Variants in ORC1 observed in about 807,000 individuals in gnomAD.
ORC1 encodes origin recognition complex, subunit 1 homolog.
ORC1 carries 61 observed loss-of-function variants against 98.9 expected under a neutral mutation model. That is an observed-to-expected ratio of 0.62 (90% CI 0.50 to 0.76). The LOEUF (loss-of-function observed/expected upper bound fraction) is 0.76, where lower values mean the gene tolerates loss of function less well. Ranked by LOEUF, ORC1 falls within the 30% of genes least tolerant of loss-of-function variation. ORC1 has a pLI of 0.00. For synonymous variants in ORC1, 385 were observed against 406.9 expected (o/e 0.95, Z 0.65); for missense variants, 979 against 1,072.2 (o/e 0.91, Z 1.21).
intron 4 of ORC1, among the ~76,000 whole-genome samples, chr1:52,396,803 C>G (rs1647420447): frequency 6.6e-6 from 1 of 152,210 alleles, no homozygotes; most frequent in Non-Finnish European, 1.5e-5. Context: ...ACAAACTTAT[C>G]TAAACATGCT....
At position 52,381,748 on chromosome 1, in the gene ORC1, A is replaced by C. The variant is rs1162282902; in HGVS notation, c.2027T>G (p.Met676Arg). The change falls in exon 14 of 17, where the codon ATG becomes AGG. Residue 676 changes from methionine (M) to arginine (R), a missense_variant. Physicochemically the swap from Met to Arg is moderately conservative, Grantham distance 91. Transcript: ENST00000371568. Reference protein sequence around the residue: ...RVSSRLGLTRMCFQPYTYSQL... With the variant: ...RVSSRLGLTRRCFQPYTYSQL... ...GCTATATGTATAGGGCTGGAAGCAC[A>C]TCCTGGTAAGACCCTGGGGAGCCAA... 1.9e-6 allele frequency: 3 copies of C among 1,613,228 alleles called. No homozygotes were observed. Among genetic ancestry groups the C allele is most frequent in the Non-Finnish European group, 2.5e-6 (3 of 1,179,558 alleles).
intron 3 of ORC1, among the ~76,000 whole-genome samples, chr1:52,400,657 G>A (rs1277864137): frequency 6.6e-6 from 1 of 152,188 alleles, no homozygotes; most frequent in Non-Finnish European, 1.5e-5. Flanking sequence ...TCCTTGTGGA[G>A]CTGTGCCCCA....
At chr1:52,375,028 G>T in intron 15 of ORC1, 131 bp from the exon 16 acceptor site, 1 of 688,452 alleles carries the variant, frequency 1.5e-6, no homozygotes, top group Non-Finnish European at 2.6e-6. Context: ...ATATTATGTG[G>T]CAAGGATCTC....
At chr1:52,384,433 A>G (rs1647114319) in intron 11 of ORC1, 117 bp downstream of exon 11, 1 of 938,348 alleles carries the variant, frequency 1.1e-6, no homozygotes. Flanking sequence ...CTCTACAGAA[A>G]GGACAATGCC....
chr1:52,392,375 G>A (rs1035966586), intron 6 of ORC1, among the ~76,000 whole-genome samples: 3 of 152,008 alleles, frequency 2.0e-5, no homozygotes, highest in South Asian at 2.1e-4. Context: ...TGATCCGCCC[G>A]CCTCGGCCTC....
chr1:52,394,275 T>G (rs1013255557), intron 5 of ORC1, among the ~76,000 whole-genome samples: 3 of 152,220 alleles, frequency 2.0e-5, no homozygotes, highest in Admixed American at 2.0e-4. Context: ...ACTGGTTCTG[T>G]GAATACACAA....
At chr1:52,403,242 T>C (rs1301184587) in intron 1 of ORC1, among the ~76,000 whole-genome samples, 1 of 152,248 alleles carries the variant, frequency 6.6e-6, no homozygotes, top group African/African-American at 2.4e-5. Context: ...GGCACTATTT[T>C]AGGATAATGG....
rs773643355 is a variant in ORC1, at chr1:52,397,781, C to T, written c.306G>A (p.Leu102=). The T allele has an allele frequency of 1.2e-6, 2 of 1,614,072 alleles. No individual in the cohort carries two copies. Among genetic ancestry groups the T allele is most frequent in the East Asian group, 2.2e-5 (1 of 44,894 alleles). ...CCTGTGCACCAGGCTTCCGGCCCAA[C>T]AAATGCCGTTTACAGGCAGGGACTT... is the stretch of plus-strand genomic sequence containing the variant. ...FCEVPACKRH[L]LGRKPGAQEI... is the part of the protein sequence containing the mutation. Residue 102 remains leucine (L), a synonymous_variant, in exon 4 of 17, where the codon TTG becomes TTA. Coordinates refer to ENST00000371568, the MANE Select transcript of ORC1 (RefSeq NM_004153.4).
At chr1:52,373,418 C>A (rs780658089) in intron 16 of ORC1, 43 bp from the exon 17 acceptor site, 8 of 1,543,090 alleles carry the variant, frequency 5.2e-6, no homozygotes, top group Non-Finnish European at 6.3e-6. Context: ...GAAATACAAT[C>A]CTGGGGCTTT....
At chr1:52,408,380 A>G (rs561863145), upstream of ORC1, 3 of 724,924 alleles carry the variant, frequency 4.1e-6, no homozygotes, top group South Asian at 4.4e-5. Flanking sequence ...AAATGGTAGC[A>G]TGGGAACTTG....
At chr1:52,408,442 A>G (rs6665054), upstream of ORC1, 25,044 of 1,280,872 alleles carry the variant, frequency 0.02, 3,367 homozygotes, top group African/African-American at 0.31. Flanking sequence ...TTCTACCTCC[A>G]CAATTGCAGC....
intron 5 of ORC1, among the ~76,000 whole-genome samples, chr1:52,394,441 A>G (rs1486322901): frequency 2.6e-5 from 4 of 152,168 alleles, no homozygotes. Flanking sequence ...GTTCCAACAC[A>G]AAAAACACTC....
At chr1:52,384,418 G>T in intron 11 of ORC1, 132 bp downstream of exon 11, 1 of 843,842 alleles carries the variant, frequency 1.2e-6, no homozygotes, top group Non-Finnish European at 2.0e-6. Flanking sequence ...CCTTGCCCTT[G>T]CTACCTCTAC....
In ORC1 at chr1:52,385,966, G is replaced by A; in HGVS notation, c.1384-17C>T. ...AGGCTTGAGCTGTATTGAAAACAAA[G>A]AACATATTTCACAAGGAAAAAGCAA... On this transcript the variant is annotated splice_polypyrimidine_tract_variant and intron_variant, in intron 8 of 16. Transcript: ENST00000371568. 1 of 1,596,824 alleles carries A rather than the reference G, an allele frequency of 6.3e-7. No homozygotes were observed. The highest frequency in any genetic ancestry group is 8.6e-7 in the Non-Finnish European group (1 of 1,165,814).
chr1:52,399,557 G>C (rs183514434), intron 3 of ORC1, among the ~76,000 whole-genome samples: 214 of 147,586 alleles, frequency 1.4e-3, no homozygotes, highest in Non-Finnish European at 2.6e-3. Flanking sequence ...CCGGGAGGCA[G>C]AGCTTGCAGT....
At chr1:52,396,810 T>A (rs1647420699) in intron 4 of ORC1, among the ~76,000 whole-genome samples, 2 of 152,216 alleles carry the variant, frequency 1.3e-5, no homozygotes, top group Non-Finnish European at 2.9e-5. Context: ...TATCTAAACA[T>A]GCTCGCCTGC....
chr1:52,391,160 T>G (rs1029429516), intron 6 of ORC1, among the ~76,000 whole-genome samples: 1 of 151,414 alleles, frequency 6.6e-6, no homozygotes, highest in Non-Finnish European at 1.5e-5. Context: ...AATACAAAAA[T>G]TAGCCAGGTG....
upstream of ORC1, chr1:52,405,562 C>G (rs140763730): frequency 3.5e-4 from 300 of 866,962 alleles, no homozygotes; most frequent in African/African-American, 4.6e-3. Flanking sequence ...AATACACATT[C>G]GTTCTCCTAA....
chr1:52,385,249 C>T lies in ORC1; in HGVS notation c.1495G>A (p.Ala499Thr). 6.2e-7 allele frequency: 1 copy of T among 1,611,294 alleles called. No individual in the cohort carries two copies. Among genetic ancestry groups the T allele is most frequent in the Non-Finnish European group, 8.5e-7 (1 of 1,177,390 alleles). ...EEARLRLHVSAVPESLPCREQ... is the reference protein window; with the variant it reads ...EEARLRLHVSTVPESLPCREQ... ...CGACAGGGAAGAGACTCAGGTACAG[C>T]AGAAACATGCAGCCTACCATTGGTG... Residue 499 changes from alanine (A) to threonine (T), a missense_variant, in exon 10 of 17, where the codon GCT (alanine) becomes ACT (threonine). By Grantham distance (58) the Ala-to-Thr change is moderately conservative (BLOSUM62 0). Transcript: ENST00000371568.
Sources: allele counts gnomAD v4.1 joint callset (sites outside exome capture counted in the v4.1 genomes callset), GRCh38; gene constraint gnomAD v4.1.1; transcripts MANE v1.5; gene names NCBI Gene and HGNC (gene_info 2026-07-23, HGNC 2026-07-21).